The following TSBP1 variants were observed in gnomAD, a reference collection of about 807,000 sequenced individuals.
TSBP1 encodes testis expressed basic protein 1, also known as testis-expressed basic protein 1.
In TSBP1, 56 loss-of-function variants were observed where a neutral mutation model predicts 68.8. The ratio of observed to expected loss-of-function variants is 0.81; its 90% CI spans 0.66 to 1.02. TSBP1 has a LOEUF of 1.02. TSBP1 is among the 50% of genes least tolerant of loss of function. The probability of loss-of-function intolerance (pLI) is 0.00; values close to 1 mark genes in which losing one functional copy is unlikely to be tolerated. For missense variants in TSBP1, 502 were observed against 641.2 expected (o/e 0.78, Z 2.34); for synonymous variants, 171 against 208.7 (o/e 0.82, Z 1.56).
chr6:32,349,803 C>T, exon 9 of TSBP1: 1 of 1,607,886 alleles, frequency 6.2e-7, no homozygotes, highest in African/African-American at 1.3e-5. Context: ...TCTGTTTGTC[C>T]CAGGGAGAAC....
chr6:32,323,129 T>C (rs1167574955), exon 18 of TSBP1: 6 of 1,583,082 alleles, frequency 3.8e-6, no homozygotes, highest in Non-Finnish European at 5.2e-6. Flanking sequence ...ATGGGTGCCA[T>C]GGGTGGACCT....
rs370135497 is a variant in TSBP1 at position 32,313,402 on chromosome 6, G to A, written c.580+2370C>T. On this transcript the variant is annotated intron_variant, in intron 19 of 22. Transcript: ENST00000612031. ...GCCTACAATAGGCCAATATATATTTGTTGAATACATATATTTTTAAAATGC... is the reference window on the plus strand; with the variant it reads ...GCCTACAATAGGCCAATATATATTTATTGAATACATATATTTTTAAAATGC... Among the ~76,000 whole-genome samples, 27 of 152,288 alleles carry A rather than the reference G, an allele frequency of 1.8e-4. No homozygotes were observed. In the East Asian group the frequency reaches 2.3e-3, roughly 13 times the overall value.
chr6:32,364,890 C>T (rs1282874722), intron 6 of TSBP1, among the ~76,000 whole-genome samples: 1 of 134,116 alleles, frequency 7.5e-6, no homozygotes, highest in African/African-American at 2.5e-5. Context: ...GCCTACTTCA[C>T]AGGTGGGATT....
At chr6:32,341,643 G>A (rs1770366949) in intron 9 of TSBP1, among the ~76,000 whole-genome samples, 1 of 152,136 alleles carries the variant, frequency 6.6e-6, no homozygotes, top group Non-Finnish European at 1.5e-5. Flanking sequence ...TTTGAAATCA[G>A]TATCATATGG....
chr6:32,325,547 T>C lies in TSBP1; in HGVS notation c.515-1933A>G. 2.3e-6 allele frequency: 2 copies of C among 852,142 alleles called. No homozygotes were observed. Among genetic ancestry groups the C allele is most frequent in the Admixed American group, 3.4e-5 (2 of 58,906 alleles). 52.8% of individuals were successfully genotyped at this position (852,142 alleles called of 1,614,324 possible). On this transcript the variant is annotated intron_variant, in intron 16 of 22. Coordinates refer to ENST00000612031, the Ensembl canonical transcript of TSBP1. This position sits in a 1 kb window ranked among gnomAD's most constrained non-coding sequence, Gnocchi z 4.4. The stretch of plus-strand genomic sequence containing the variant: ...TAACTGTGAAAAAGATATATGCTGG[T>C]GGCATTAAAGAAGACACTGAAGAAA...
intron 4 of TSBP1, among the ~76,000 whole-genome samples, chr6:32,366,915 T>G (rs1404818312): frequency 1.3e-5 from 2 of 152,136 alleles, no homozygotes; most frequent in Non-Finnish European, 2.9e-5. Flanking sequence ...CTCTTGTTGT[T>G]CATGATAGAT....
chr6:32,330,635 AAC>A (rs9279582), intron 15 of TSBP1, 26 bp from the exon 17 acceptor site: 321,231 of 1,118,894 alleles, frequency 0.29, 13,618 homozygotes, highest in Non-Finnish European at 0.31. Flanking sequence ...AAACAAATTA[AAC>A]ACACACACAC....
At chr6:32,362,654 G>A (rs1276186515) in intron 6 of TSBP1, among the ~76,000 whole-genome samples, 2 of 152,142 alleles carry the variant, frequency 1.3e-5, no homozygotes, top group Non-Finnish European at 2.9e-5. Flanking sequence ...TTTGTTTGAC[G>A]AGATACCACT....
At chr6:32,370,385 C>A (rs1182468759) in intron 1 of TSBP1, among the ~76,000 whole-genome samples, 8 of 132,366 alleles carry the variant, frequency 6.0e-5, no homozygotes, top group Admixed American at 5.6e-4. Flanking sequence ...TAACTCATAC[C>A]TTTAAAGTTG....
At chr6:32,329,040 C>T (rs1768605649) in intron 16 of TSBP1, among the ~76,000 whole-genome samples, 1 of 152,136 alleles carries the variant, frequency 6.6e-6, no homozygotes, top group Non-Finnish European at 1.5e-5. Flanking sequence ...AGCTTTCTTC[C>T]TACTCTTCTT....
intron 9 of TSBP1, among the ~76,000 whole-genome samples, chr6:32,345,158 A>G (rs1770851656): frequency 6.9e-6 from 1 of 145,246 alleles, no homozygotes; most frequent in Non-Finnish European, 1.5e-5. Flanking sequence ...CTTGGCCCTT[A>G]GTCTTTTTTT....
chr6:32,320,911 C>T (rs548931), intron 18 of TSBP1, among the ~76,000 whole-genome samples: 4,287 of 152,102 alleles, frequency 0.028, 167 homozygotes, highest in African/African-American at 0.086. Flanking sequence ...CATTTAGCTC[C>T]CGTTTATAAA....
intron 2 of TSBP1, among the ~76,000 whole-genome samples, 173 bp from the exon 3 acceptor site, chr6:32,368,987 C>T (rs1489313107): frequency 6.6e-6 from 1 of 152,056 alleles, no homozygotes. Flanking sequence ...CCTGTTTTAC[C>T]TATCTTTTCA....
intron 9 of TSBP1, among the ~76,000 whole-genome samples, chr6:32,344,576 C>T (rs7383144): frequency 0.76 from 114,977 of 151,670 alleles, 43,767 homozygotes; most frequent in South Asian, 0.86. Flanking sequence ...TAAGTGCACG[C>T]CAATTGCTTA....
chr6:32,307,778 G>GT (rs9279569), intron 19 of TSBP1, among the ~76,000 whole-genome samples: 3,473 of 146,548 alleles, frequency 0.024, 63 homozygotes, highest in Admixed American at 0.045. Context: ...TAATTGCCTG[G>GT]TTTTTTTTTT....
At chr6:32,347,340 A>G (rs1019296574) in intron 9 of TSBP1, among the ~76,000 whole-genome samples, 2 of 151,310 alleles carry the variant, frequency 1.3e-5, no homozygotes, top group African/African-American at 4.9e-5. Context: ...TTTTTTATTC[A>G]TTGTAGAGAC....
chr6:32,334,042 C>T, intron 14 of TSBP1: 1 of 212,754 alleles, frequency 4.7e-6, no homozygotes, highest in Non-Finnish European at 1.0e-5. Flanking sequence ...ATGATACCTG[C>T]CCTCTTGACA....
At chr6:32,317,167 A>G (rs1013173898) in intron 18 of TSBP1, among the ~76,000 whole-genome samples, 6 of 152,176 alleles carry the variant, frequency 3.9e-5, no homozygotes, top group Non-Finnish European at 8.8e-5. Context: ...GACTACAACT[A>G]TCTGATCTTT....
chr6:32,316,309 T>C lies in TSBP1; in HGVS notation c.560-517A>G. ...GTAGGGTAATAAGGAAGCAAGGGAA[T>C]AATGGGAACCACAAATCACTTTGAC... On this transcript the variant is annotated intron_variant, in intron 18 of 22. Coordinates refer to ENST00000612031, the Ensembl canonical transcript of TSBP1. The surrounding 1 kb of genome is among the most constrained non-coding windows in gnomAD (Gnocchi z 4.5). The C allele has an allele frequency of 9.0e-7, 1 of 1,107,658 alleles. No individual in the cohort carries two copies. The highest frequency in any genetic ancestry group is 1.3e-6 in the Non-Finnish European group (1 of 754,090). 68.6% of individuals were successfully genotyped at this position (1,107,658 alleles called of 1,614,324 possible).
Sources: allele counts gnomAD v4.1 joint callset (sites outside exome capture counted in the v4.1 genomes callset), GRCh38; gene constraint gnomAD v4.1.1; non-coding constraint Gnocchi (gnomAD v3.1); transcripts MANE v1.5; gene names NCBI Gene and HGNC (gene_info 2026-07-23, HGNC 2026-07-21).